The following RYR2 variants were observed in gnomAD, a reference collection of about 807,000 sequenced individuals.
RYR2 encodes the protein ryanodine receptor 2.
RYR2 carries 227 observed loss-of-function variants against 601.1 expected under a neutral mutation model. That is an observed-to-expected ratio of 0.38 (90% CI 0.34 to 0.42). The LOEUF (loss-of-function observed/expected upper bound fraction) is 0.42. Among genes scored for constraint, RYR2 ranks in the 10% least tolerant of loss-of-function variants. The pLI is 1.00. For synonymous variants in RYR2, 2,223 were observed against 2,175.1 expected (o/e 1.02, Z -0.61); for missense variants, 4,646 against 6,156.5 (o/e 0.75, Z 8.21).
chr1:237,817,766 A>G (rs1281170856), intron 100 of RYR2, among the ~76,000 whole-genome samples: 2 of 152,186 alleles, frequency 1.3e-5, no homozygotes, highest in Non-Finnish European at 2.9e-5. Context: ...CTGGAAAGCA[A>G]TGGCCAGAAA....
At chr1:237,319,062 ATTC>A (rs1423057882) in intron 2 of RYR2, among the ~76,000 whole-genome samples, 1 of 151,688 alleles carries the variant, frequency 6.6e-6, no homozygotes, top group Non-Finnish European at 1.5e-5. Flanking sequence ...TCTATCACTG[ATTC>A]TTCTTCAATC....
At chr1:237,357,387 CT>C (rs1356367154) in intron 4 of RYR2, among the ~76,000 whole-genome samples, 1 of 152,186 alleles carries the variant, frequency 6.6e-6, no homozygotes, top group Non-Finnish European at 1.5e-5. Context: ...AGCCCTCTGT[CT>C]TTTCCCATCC....
intron 17 of RYR2, among the ~76,000 whole-genome samples, chr1:237,489,169 A>G (rs1663045363): frequency 6.6e-6 from 1 of 152,198 alleles, no homozygotes; most frequent in South Asian, 2.1e-4. Flanking sequence ...GAACTTAAAT[A>G]ACCCAACGAG....
intron 1 of RYR2, among the ~76,000 whole-genome samples, chr1:237,123,868 C>T (rs1671105298): frequency 6.6e-6 from 1 of 151,862 alleles, no homozygotes; most frequent in South Asian, 2.1e-4. Context: ...GGGGTTTCAC[C>T]TTGTTAGCCA....
intron 99 of RYR2, among the ~76,000 whole-genome samples, chr1:237,807,138 A>C (rs984263092): frequency 1.3e-5 from 2 of 152,284 alleles, no homozygotes; most frequent in African/African-American, 2.4e-5. Flanking sequence ...ATGTCACTTT[A>C]GGTTCTGAGT....
intron 62 of RYR2, among the ~76,000 whole-genome samples, chr1:237,687,052 A>T (rs759903963): frequency 6.6e-6 from 1 of 152,138 alleles, no homozygotes; most frequent in Non-Finnish European, 1.5e-5. Flanking sequence ...CCATATATAT[A>T]TTTTTTAAAT....
intron 63 of RYR2, 118 bp from the exon 64 acceptor site, chr1:237,698,847 C>A: frequency 8.8e-6 from 5 of 566,842 alleles, no homozygotes; most frequent in Admixed American, 3.3e-5. Context: ...TATTAAAAAA[C>A]CTTTTAAAAT....
At chr1:237,310,958 TA>T (rs760877842) in intron 2 of RYR2, among the ~76,000 whole-genome samples, 1 of 152,212 alleles carries the variant, frequency 6.6e-6, no homozygotes, top group Non-Finnish European at 1.5e-5. Flanking sequence ...GATTTGAGCA[TA>T]TCGTGACAAA....
intron 98 of RYR2, among the ~76,000 whole-genome samples, chr1:237,803,311 CT>C (rs10637217): frequency 1.4e-5 from 2 of 147,940 alleles, no homozygotes; most frequent in Non-Finnish European, 1.5e-5. Flanking sequence ...TTGCATTTTT[CT>C]TTTTTTTTTG....
At chr1:237,581,684 G>A (rs1157400847) in intron 29 of RYR2, among the ~76,000 whole-genome samples, 1 of 152,152 alleles carries the variant, frequency 6.6e-6, no homozygotes, top group African/African-American at 2.4e-5. Context: ...TGTGAATTAA[G>A]GTTAGTAGGT....
At chr1:237,498,975 C>T (rs1365443324) in intron 20 of RYR2, among the ~76,000 whole-genome samples, 3 of 151,752 alleles carry the variant, frequency 2.0e-5, no homozygotes, top group Non-Finnish European at 2.9e-5. Context: ...ATTTTAGATT[C>T]GTAATTAATG....
At chr1:237,418,540 C>G (rs1002068029) in intron 11 of RYR2, among the ~76,000 whole-genome samples, 3 of 152,080 alleles carry the variant, frequency 2.0e-5, no homozygotes, top group African/African-American at 7.2e-5. Context: ...AATATAACTT[C>G]CAGTGTATTT....
chr1:237,254,708 A>T (rs1160209046), intron 1 of RYR2, among the ~76,000 whole-genome samples: 1 of 152,194 alleles, frequency 6.6e-6, no homozygotes, highest in East Asian at 1.9e-4. Flanking sequence ...CATGGGTCTC[A>T]TCTGCTCTAA....
chr1:237,564,805 C>T (rs954621060), intron 27 of RYR2, among the ~76,000 whole-genome samples: 1 of 152,092 alleles, frequency 6.6e-6, no homozygotes, highest in African/African-American at 2.4e-5. Flanking sequence ...TAAGCACTAC[C>T]ACCATTATCA....
At chr1:237,364,674 C>G (rs1035617160) in intron 5 of RYR2, among the ~76,000 whole-genome samples, 1 of 150,294 alleles carries the variant, frequency 6.7e-6, no homozygotes, top group African/African-American at 2.4e-5. Flanking sequence ...ACTCAACAAA[C>G]AACATTTGAC....
At chr1:237,814,965 C>CT (rs11314213) in intron 100 of RYR2, among the ~76,000 whole-genome samples, 5,652 of 93,844 alleles carry the variant, frequency 0.06, 293 homozygotes, top group African/African-American at 0.13. Flanking sequence ...TTTCTTTTTT[C>CT]TTTTTTTTTT....
intron 23 of RYR2, among the ~76,000 whole-genome samples, chr1:237,511,290 A>G (rs1402484794): frequency 7.3e-6 from 1 of 136,398 alleles, no homozygotes; most frequent in Non-Finnish European, 1.6e-5. Flanking sequence ...TAGAAGGTGT[A>G]TGGACCAAAA....
chr1:237,689,084 A>C (rs1157651371), intron 63 of RYR2, among the ~76,000 whole-genome samples: 1 of 152,092 alleles, frequency 6.6e-6, no homozygotes, highest in East Asian at 1.9e-4. Context: ...GCAACATAGC[A>C]AGACCTTGGC....
chr1:237,403,380 G>T (rs1703563590), intron 10 of RYR2, among the ~76,000 whole-genome samples: 1 of 152,164 alleles, frequency 6.6e-6, no homozygotes, highest in Non-Finnish European at 1.5e-5. Flanking sequence ...AGTGCTTAAA[G>T]AAAATATCTG....
Sources: allele counts gnomAD v4.1 joint callset (sites outside exome capture counted in the v4.1 genomes callset), GRCh38; gene constraint gnomAD v4.1.1; transcripts MANE v1.5; gene names NCBI Gene and HGNC (gene_info 2026-07-23, HGNC 2026-07-21).